The following ZMYM6 variants were observed in gnomAD, a reference collection of about 807,000 sequenced individuals.
The protein encoded by ZMYM6 is zinc finger MYM-type protein 6.
ZMYM6 carries 90 observed loss-of-function variants against 134.0 expected under a neutral mutation model. That is an observed-to-expected ratio of 0.67 (90% CI 0.57 to 0.80). The LOEUF (loss-of-function observed/expected upper bound fraction) is 0.80, where lower values mean the gene tolerates loss of function less well. Ranked by LOEUF, ZMYM6 falls within the 30% of genes least tolerant of loss-of-function variation. ZMYM6 has a pLI of 0.00. For missense variants in ZMYM6, 1,362 were observed against 1,533.9 expected (o/e 0.89, Z 1.87); for synonymous variants, 481 against 524.1 (o/e 0.92, Z 1.12).
chr1:35,006,623 G>C (rs1640971270), intron 12 of ZMYM6, among the ~76,000 whole-genome samples: 1 of 151,888 alleles, frequency 6.6e-6, no homozygotes, highest in Admixed American at 6.6e-5. Context: ...TTTTATTTCT[G>C]GTTTATTAAC....
intron 11 of ZMYM6, 40 bp downstream of exon 11, chr1:35,008,712 T>C (rs766757849): frequency 7.6e-6 from 12 of 1,581,764 alleles, no homozygotes; most frequent in Non-Finnish European, 1.0e-5. Flanking sequence ...CAATTTGCAC[T>C]GATTTCAGAA....
chr1:35,021,785 C>A (rs1453174816), intron 2 of ZMYM6, among the ~76,000 whole-genome samples: 5 of 152,060 alleles, frequency 3.3e-5, no homozygotes, highest in Non-Finnish European at 7.4e-5. Context: ...CAGACAAAAT[C>A]CTATTTATTC....
At position 34,987,766 on chromosome 1, in the gene ZMYM6, C is replaced by G. The variant is rs1208554670; in HGVS notation, c.3316G>C (p.Asp1106His). The G allele has an allele frequency of 1.3e-6, 2 of 1,551,492 alleles. No individual in the cohort carries two copies. Among genetic ancestry groups the G allele is most frequent in the Non-Finnish European group, 1.7e-6 (2 of 1,146,936 alleles). Residue 1106 changes from aspartate to histidine, a missense_variant, in exon 16 of 16, where the codon GAT becomes CAT. Transcript: ENST00000357182. ...GCCAGCTTTCCAACCCATTCCTCAT[C>G]ATGAAAATACTTGGCCAAATCTGAA... ...KHSDLAKYFH[D>H]EEWVGKLAYL... is the part of the protein sequence containing the mutation.
intron 2 of ZMYM6, among the ~76,000 whole-genome samples, chr1:35,023,316 A>T (rs1641346124): frequency 1.3e-5 from 2 of 152,132 alleles, no homozygotes; most frequent in Non-Finnish European, 1.5e-5. Flanking sequence ...CATGTTGGTC[A>T]GGCTGGTCTC....
In ZMYM6 at chr1:35,030,506, A is replaced by T. The variant is rs760878250; in HGVS notation, c.93+41T>A. 1.9e-6 allele frequency: 3 copies of T among 1,570,800 alleles called. No homozygotes were observed. In the African/African-American group the frequency reaches 4.1e-5, roughly 22 times the overall value. On this transcript the variant is annotated intron_variant, in intron 2 of 15. Coordinates refer to ENST00000357182, the MANE Select transcript of ZMYM6 (RefSeq NM_007167.4). ...TTTTCAGTTGACCAGATGGAAAAGA[A>T]GGAATTTTTTTAAATTTTTAAATGA...
intron 14 of ZMYM6, among the ~76,000 whole-genome samples, chr1:34,997,967 T>C (rs1640812220): frequency 6.6e-6 from 1 of 152,160 alleles, no homozygotes; most frequent in South Asian, 2.1e-4. Context: ...CCTCTATCAT[T>C]ACTAAATTCC....
chr1:34,995,675 G>A (rs1043249957), intron 14 of ZMYM6, among the ~76,000 whole-genome samples: 2 of 152,084 alleles, frequency 1.3e-5, no homozygotes, highest in Non-Finnish European at 2.9e-5. Flanking sequence ...CAGGCAGAAT[G>A]GCATGAGATT....
At chr1:35,023,533 A>G (rs1001591807) in intron 2 of ZMYM6, among the ~76,000 whole-genome samples, 4 of 152,168 alleles carry the variant, frequency 2.6e-5, no homozygotes, top group Non-Finnish European at 4.4e-5. Context: ...TTAAATAACA[A>G]TATTTATTGA....
chr1:35,031,002 G>A (rs183747419), intron 1 of ZMYM6, among the ~76,000 whole-genome samples: 2 of 152,314 alleles, frequency 1.3e-5, no homozygotes, highest in East Asian at 3.9e-4. Flanking sequence ...AGCAGACCAA[G>A]ACGTGGGAGG....
chr1:34,993,998 T>C (rs1368612843), intron 14 of ZMYM6, among the ~76,000 whole-genome samples: 2 of 138,182 alleles, frequency 1.4e-5, no homozygotes, highest in Admixed American at 1.3e-4. Context: ...AAGTAAAGTT[T>C]TTTAATCCAA....
rs530281467 is a variant in ZMYM6 at position 35,030,681 on chromosome 1, T to G, written c.-42A>C. 1 of 1,571,616 alleles carries G rather than the reference T, an allele frequency of 6.4e-7. No homozygotes were observed. The highest frequency in any genetic ancestry group is 8.7e-7 in the Non-Finnish European group (1 of 1,151,128). On this transcript the variant is annotated 5_prime_UTR_variant, in exon 2 of 16. Coordinates refer to ENST00000357182, the MANE Select transcript of ZMYM6 (RefSeq NM_007167.4). ...AAAGAGTGTCTCAGGCTCAAACGAA[T>G]AGATTTCTTCTTGGTAATGGATAGT...
chr1:35,025,333 G>A (rs528571562), intron 2 of ZMYM6, among the ~76,000 whole-genome samples: 4 of 151,836 alleles, frequency 2.6e-5, no homozygotes, highest in African/African-American at 4.8e-5. Flanking sequence ...CAGGTGTGGT[G>A]GTGGGCACCT....
intron 15 of ZMYM6, chr1:34,989,193 C>A (rs1219024393): frequency 8.3e-7 from 1 of 1,204,740 alleles, no homozygotes. Flanking sequence ...CCCAAGCACC[C>A]AATAGGTTAT....
At chr1:35,017,931 T>A (rs1272168417) in intron 4 of ZMYM6, 1 of 152,210 alleles carries the variant, frequency 6.6e-6, no homozygotes, top group East Asian at 1.9e-4. Context: ...GTTGAAACAA[T>A]ATCTAAAAAT....
At chr1:35,000,006 GCGGC>G (rs1640852745) in intron 14 of ZMYM6, among the ~76,000 whole-genome samples, 1 of 151,980 alleles carries the variant, frequency 6.6e-6, no homozygotes, top group Non-Finnish European at 1.5e-5. Flanking sequence ...TCAGCTCACC[GCGGC>G]CTTGACCTAC....
rs536800175 is a variant in ZMYM6 at position 34,988,017 on chromosome 1, A to G, written c.3065T>C (p.Leu1022Ser). 6.9e-5 allele frequency: 107 copies of G among 1,551,378 alleles called. No individual in the cohort carries two copies. The Admixed American group carries it at 2.1e-3, about 30-fold the overall frequency. The change falls in exon 16 of 16, where the codon TTG becomes TCG. Residue 1022 changes from leucine to serine, a missense_variant. This residue lies in a region of ZMYM6 where 824 missense variants were observed against 940.9 expected (regional missense o/e 0.88). Transcript: ENST00000357182. Reference protein sequence around the residue: ...IHRERLVAEKLSPCLHKILLQ... With the variant: ...IHRERLVAEKSSPCLHKILLQ... Reference sequence around the variant, plus strand: ...AAGAATTTTATGTAAACATGGAGACAACTTTTCTGCCACTAAACGTTCACG... The same window carrying G: ...AAGAATTTTATGTAAACATGGAGACGACTTTTCTGCCACTAAACGTTCACG...
At chr1:35,012,740 C>A in intron 6 of ZMYM6, 159 bp from the exon 7 acceptor site, 1 of 985,376 alleles carries the variant, frequency 1.0e-6, no homozygotes, top group Non-Finnish European at 1.2e-6. Flanking sequence ...AAAATAAGTT[C>A]TTCCAGACAA....
intron 11 of ZMYM6, 130 bp from the exon 12 acceptor site, chr1:35,007,228 T>G: frequency 1.3e-6 from 1 of 771,376 alleles, no homozygotes; most frequent in Non-Finnish European, 1.9e-6. Context: ...GTAAGGTTCT[T>G]ACCTTAAAAT....
intron 11 of ZMYM6, 107 bp from the exon 12 acceptor site, chr1:35,007,205 G>T: frequency 9.0e-7 from 1 of 1,108,438 alleles, no homozygotes. Flanking sequence ...TGAGTCAGTT[G>T]AGACTACAAA....
Sources: gnomAD v4.1 joint callset for allele counts (sites outside exome capture counted in the v4.1 genomes callset) on GRCh38, gnomAD v4.1.1 for gene constraint, gnomAD v4.1.1 regional missense constraint, MANE v1.5 for transcripts, NCBI Gene and HGNC (gene_info 2026-07-23, HGNC 2026-07-21) for gene names.